PLXNA2: variants seen among roughly 807,000 people sequenced by gnomAD.
PLXNA2 encodes the protein plexin A2, also known as plexin-A2.
Under a neutral mutation model 193.5 loss-of-function variants are expected in PLXNA2, and 91 were observed. The ratio of observed to expected loss-of-function variants is 0.47; its 90% CI spans 0.40 to 0.56. The LOEUF is 0.56. PLXNA2 is among the 20% of genes least tolerant of loss of function. The probability of loss-of-function intolerance (pLI) is 0.00; values close to 1 mark genes in which losing one functional copy is unlikely to be tolerated. For missense variants in PLXNA2, 1,995 were observed against 2,503.2 expected, an observed-to-expected ratio of 0.80 and a Z score of 4.33; for synonymous variants, 997 against 1,027.3, an observed-to-expected ratio of 0.97 and a Z score of 0.56.
Position 208,160,378 on chromosome 1 carries a change from C to T in PLXNA2, c.1372-17915G>A, listed in dbSNP as rs533462661. ...AACAGTGTGCTTGTAAGGAGAGCCA[C>T]GGGGTGGAGGAGAAACTCCTTGTGT... On this transcript the variant is annotated intron_variant, in intron 3 of 31. Transcript: ENST00000367033. Among the ~76,000 whole-genome samples, 27 of 152,270 alleles carry T rather than the reference C, an allele frequency of 1.8e-4. No homozygotes were observed. The South Asian group carries it at 3.7e-3, about 21-fold the overall frequency.
Position 208,038,999 on chromosome 1 carries a change from CAG to C in PLXNA2, c.4501-17_4501-16del, listed in dbSNP as rs1428143912. On this transcript the variant is annotated splice_polypyrimidine_tract_variant and intron_variant, in intron 24 of 31. Transcript: ENST00000367033. This position sits in a 1 kb window ranked among gnomAD's most constrained non-coding sequence, Gnocchi z 4.1. ...CAGTTCAGGATCTACAAGTAGGGGA[CAG>C]AGGGTGAGCAGGACAGGAGTTGAAG... 1.2e-6 allele frequency: 2 copies of C among 1,611,744 alleles called. No homozygotes were observed. Among genetic ancestry groups the C allele is most frequent in the Admixed American group, 3.3e-5 (2 of 59,956 alleles).
At chr1:208,243,135 C>T (rs1167128312) in intron 1 of PLXNA2, among the ~76,000 whole-genome samples, 1 of 152,176 alleles carries the variant, frequency 6.6e-6, no homozygotes, top group African/African-American at 2.4e-5. Context: ...TTCCCCTGAT[C>T]TCCAGTCCCC....
In PLXNA2 at chr1:208,092,786, C is replaced by T. The variant is rs1326879782; in HGVS notation, c.2097G>A (p.Glu699=). The T allele has an allele frequency of 6.2e-7, 1 of 1,609,658 alleles. No homozygotes were observed. The highest frequency in any genetic ancestry group is 8.5e-7 in the Non-Finnish European group (1 of 1,176,470). The change falls in exon 9 of 32, where the codon GAG becomes GAA. Residue 699 remains glutamate, a splice_region_variant and synonymous_variant. Transcript: ENST00000367033. ...CCATGTTAGGGTAAGCCCTTCTTAC[C>T]TCTGAAATATTGATCCGGCCCTCCT... ...SFQEGRINIS[E]DCPQLVPTEE...
intron 19 of PLXNA2, 29 bp downstream of exon 19, chr1:208,045,038 G>A (rs747893306): frequency 3.7e-6 from 6 of 1,613,572 alleles, no homozygotes; most frequent in Non-Finnish European, 4.2e-6. Context: ...AGGCGGGAAG[G>A]AGGCATTACA....
chr1:208,042,265 C>CTTCA lies in PLXNA2; in HGVS notation c.4118_4119insTGAA (p.Glu1373AspfsTer32). On this transcript the variant is annotated frameshift_variant, in exon 22 of 32. Transcript: ENST00000367033. LOFTEE classifies it high-confidence loss of function. ...CGCGCATGGAGAAACTGCGCTGCAGCTCCAGGGTGCGGATGAAGGTCAGCA... is the reference window on the plus strand; with the variant it reads ...CGCGCATGGAGAAACTGCGCTGCAGCTTCATCCAGGGTGCGGATGAAGGTCAGCA... The CTTCA allele has an allele frequency of 1.2e-6, 2 of 1,614,226 alleles. No homozygotes were observed. The highest frequency in any genetic ancestry group is 1.7e-6 in the Non-Finnish European group (2 of 1,180,032).
In PLXNA2 at chr1:208,068,691, C is replaced by T. The variant is rs1244447993; in HGVS notation, c.2587-7854G>A. Among the ~76,000 whole-genome samples, 3 of 152,228 alleles carry T rather than the reference C, an allele frequency of 2.0e-5. No individual in the cohort carries two copies. The East Asian group carries it at 5.8e-4, about 29-fold the overall frequency. On this transcript the variant is annotated intron_variant, in intron 12 of 31. Transcript: ENST00000367033. The stretch of plus-strand genomic sequence containing the variant: ...AAGATGACTTCCTTTGCTTGTCACA[C>T]ACGCCATTAACCAGGCTGGCCCTGG...
intron 17 of PLXNA2, among the ~76,000 whole-genome samples, chr1:208,048,955 C>T (rs1558164645): frequency 6.6e-6 from 1 of 152,192 alleles, no homozygotes; most frequent in Admixed American, 6.5e-5. Flanking sequence ...AGCTCAACTG[C>T]CCCTTTCCAC....
At chr1:208,093,854 G>C (rs1432471496) in intron 8 of PLXNA2, among the ~76,000 whole-genome samples, 2 of 152,178 alleles carry the variant, frequency 1.3e-5, no homozygotes, top group Admixed American at 1.3e-4. Context: ...GGGGGGATTA[G>C]TCTTGCTCCT....
intron 4 of PLXNA2, among the ~76,000 whole-genome samples, chr1:208,131,888 C>T (rs1242018676): frequency 6.6e-6 from 1 of 152,176 alleles, no homozygotes; most frequent in East Asian, 1.9e-4. Flanking sequence ...GCCACACAGA[C>T]AGGCTCCTCA....
At chr1:208,240,074 T>C (rs114941000) in intron 1 of PLXNA2, among the ~76,000 whole-genome samples, 112 of 152,334 alleles carry the variant, frequency 7.4e-4, no homozygotes, top group African/African-American at 2.5e-3. Flanking sequence ...CAGAGAACTT[T>C]TGCACTGCTC....
intron 12 of PLXNA2, among the ~76,000 whole-genome samples, chr1:208,061,341 C>T (rs1294092015): frequency 6.6e-6 from 1 of 152,154 alleles, no homozygotes; most frequent in African/African-American, 2.4e-5. Context: ...CTGTGTGCTA[C>T]AGCCTGTTGG....
In PLXNA2 at chr1:208,206,948, C is replaced by G. The variant is rs868712082; in HGVS notation, c.1371+3332G>C. Among the ~76,000 whole-genome samples the G allele has an allele frequency of 2.6e-5, 4 of 151,288 alleles. No individual in the cohort carries two copies. In the South Asian group the frequency reaches 8.4e-4, roughly 32 times the overall value. On this transcript the variant is annotated intron_variant, in intron 3 of 31. Transcript: ENST00000367033. ...CCTGCTGATTTTTGTATTTTTAGTA[C>G]CGACAGGGTTTCACCATGTTGGTCA...
intron 5 of PLXNA2, 22 bp downstream of exon 5, chr1:208,103,125 T>C: frequency 6.3e-7 from 1 of 1,580,318 alleles, no homozygotes; most frequent in Non-Finnish European, 8.7e-7. Flanking sequence ...CCAAACCCTT[T>C]TCCAGTATAC....
At chr1:208,171,344 C>G (rs1669489609) in intron 3 of PLXNA2, among the ~76,000 whole-genome samples, 1 of 152,196 alleles carries the variant, frequency 6.6e-6, no homozygotes, top group Non-Finnish European at 1.5e-5. Flanking sequence ...TAAATGCTTA[C>G]TACAGCCCAG....
chr1:208,040,931 T>C (rs1264608015), intron 22 of PLXNA2, among the ~76,000 whole-genome samples: 1 of 152,184 alleles, frequency 6.6e-6, no homozygotes, highest in Non-Finnish European at 1.5e-5. Context: ...GTGAAGGGGA[T>C]GCCGGAGGGG....
At chr1:208,061,888 C>T (rs775152648) in intron 12 of PLXNA2, among the ~76,000 whole-genome samples, 6 of 152,102 alleles carry the variant, frequency 3.9e-5, no homozygotes, top group African/African-American at 7.2e-5. Flanking sequence ...CACAGAATTT[C>T]GTAACTGGAA....
chr1:208,045,920 A>G lies in PLXNA2; in HGVS notation c.3453T>C (p.Thr1151=). ...PNPTFELLSP[T]GVLDQKPGSP... is the part of the protein sequence containing the mutation. ...ATCCTGGCTTTTGATCCAAGACTCCAGTAGGGCTAAGCAGTTCAAAGGTCG... is the reference window on the plus strand; with the variant it reads ...ATCCTGGCTTTTGATCCAAGACTCCGGTAGGGCTAAGCAGTTCAAAGGTCG... The change falls in exon 18 of 32, where the codon ACT becomes ACC. Residue 1151 remains threonine, a synonymous_variant. Transcript: ENST00000367033. The G allele has an allele frequency of 6.2e-7, 1 of 1,614,248 alleles. No individual in the cohort carries two copies. Among genetic ancestry groups the G allele is most frequent in the Non-Finnish European group, 8.5e-7 (1 of 1,180,032 alleles).
rs766591893 is a variant in PLXNA2, at chr1:208,034,577, C to T, written c.4780G>A (p.Val1594Met). 2.5e-6 allele frequency: 4 copies of T among 1,612,600 alleles called. No homozygotes were observed. In the Admixed American group the frequency reaches 6.7e-5, roughly 27 times the overall value. Residue 1594 changes from valine to methionine, a missense_variant, in exon 27 of 32, where the codon GTG becomes ATG. By Grantham distance (21) the Val-to-Met change is conservative. This residue lies in a region of PLXNA2 where 1,291 missense variants were observed against 1,673.6 expected (regional missense o/e 0.77). Coordinates refer to ENST00000367033, the MANE Select transcript of PLXNA2 (RefSeq NM_025179.4). ...LMHYQVSDRS[V>M]VALVPKQTSS... is the part of the protein sequence containing the mutation. ...GTCTGTTTGGGGACCAGAGCCACCA[C>T]CGACCTGTCTGACACCTGAGAAGGG...
intron 4 of PLXNA2, among the ~76,000 whole-genome samples, chr1:208,110,524 A>T (rs1277011087): frequency 1.3e-5 from 2 of 152,222 alleles, no homozygotes; most frequent in Non-Finnish European, 2.9e-5. Flanking sequence ...CAGCAGGAAC[A>T]ATAATAACAA....
Sources: allele counts gnomAD v4.1 joint callset (sites outside exome capture counted in the v4.1 genomes callset), GRCh38; gene constraint gnomAD v4.1.1; regional missense constraint gnomAD v4.1.1; non-coding constraint Gnocchi (gnomAD v3.1); transcripts MANE v1.5; gene names NCBI Gene and HGNC (gene_info 2026-07-23, HGNC 2026-07-21).